THADA: variants seen among roughly 807,000 people sequenced by gnomAD.
The protein encoded by THADA is THADA armadillo repeat containing.
Under a neutral mutation model 219.8 loss-of-function variants are expected in THADA, and 213 were observed. The ratio of observed to expected loss-of-function variants is 0.97; its 90% CI spans 0.87 to 1.09. THADA has a LOEUF of 1.09. Ranked by LOEUF, THADA falls within the 50% of genes least tolerant of loss-of-function variation. The probability of loss-of-function intolerance (pLI) is 0.00; values close to 1 mark genes in which losing one functional copy is unlikely to be tolerated. For missense variants in THADA, 2,956 were observed against 2,311.3 expected (o/e 1.28, Z -5.72); for synonymous variants, 1,018 against 828.9 (o/e 1.23, Z -3.92).
intron 28 of THADA, among the ~76,000 whole-genome samples, chr2:43,427,560 G>C (rs955734612): frequency 1.0e-4 from 14 of 136,932 alleles, no homozygotes; most frequent in Admixed American, 1.0e-3. Flanking sequence ...ATATATACAC[G>C]CACACACACA....
chr2:43,522,433 G>T (rs985630390), intron 22 of THADA, among the ~76,000 whole-genome samples: 7 of 152,094 alleles, frequency 4.6e-5, no homozygotes, highest in African/African-American at 1.7e-4. Context: ...GAGGGCCATG[G>T]GGAGAAGGAC....
At chr2:43,499,127 A>G (rs572475169) in intron 24 of THADA, among the ~76,000 whole-genome samples, 172 bp from the exon 25 acceptor site, 6 of 152,228 alleles carry the variant, frequency 3.9e-5, no homozygotes, top group Non-Finnish European at 7.3e-5. Flanking sequence ...CTGATAAACC[A>G]TTTTACAAAA....
At chr2:43,438,838 A>G (rs963881312) in intron 26 of THADA, among the ~76,000 whole-genome samples, 1 of 152,170 alleles carries the variant, frequency 6.6e-6, no homozygotes, top group Non-Finnish European at 1.5e-5. Context: ...TAAATTAGGC[A>G]AAGTAAGAGA....
chr2:43,289,256 T>C (rs1397160049), intron 34 of THADA, among the ~76,000 whole-genome samples: 1 of 152,258 alleles, frequency 6.6e-6, no homozygotes, highest in East Asian at 1.9e-4. Flanking sequence ...TTAAACTCCG[T>C]TCTTTCACTT....
chr2:43,414,095 T>C (rs901493259), intron 28 of THADA, among the ~76,000 whole-genome samples: 1 of 152,254 alleles, frequency 6.6e-6, no homozygotes, highest in Admixed American at 6.5e-5. Context: ...TGTTTTATTG[T>C]TGTGTTTACT....
chr2:43,457,936 C>A (rs1463182086), intron 26 of THADA, among the ~76,000 whole-genome samples: 1 of 151,956 alleles, frequency 6.6e-6, no homozygotes, highest in Non-Finnish European at 1.5e-5. Flanking sequence ...AAAAAAAAAT[C>A]CCAGGTGATA....
chr2:43,326,951 A>C (rs1323231064), intron 30 of THADA, among the ~76,000 whole-genome samples: 1 of 152,110 alleles, frequency 6.6e-6, no homozygotes, highest in Non-Finnish European at 1.5e-5. Context: ...GCTTAACTTT[A>C]TTAATACAGA....
intron 36 of THADA, among the ~76,000 whole-genome samples, chr2:43,242,160 C>T (rs1469064815): frequency 5.9e-5 from 9 of 152,230 alleles, no homozygotes; most frequent in Admixed American, 5.2e-4. Context: ...CTGAGGGGGG[C>T]ACTTCATGGC....
rs1253927418 is a variant in THADA at position 43,590,754 on chromosome 2, A to C, written c.302+70T>G. 3 of 1,546,600 alleles carry C rather than the reference A, an allele frequency of 1.9e-6. No individual in the cohort carries two copies. In the East Asian group the frequency reaches 6.8e-5, roughly 35 times the overall value. On this transcript the variant is annotated intron_variant, in intron 4 of 37. Coordinates refer to ENST00000405975, the MANE Select transcript of THADA (RefSeq NM_022065.5). ...TCAGTTCAGTTTTATCAAACCAAGG[A>C]AGGAACTTCAGTTACTTTTGGTCAA...
chr2:43,451,467 T>G (rs1682328752), intron 26 of THADA, among the ~76,000 whole-genome samples: 1 of 152,230 alleles, frequency 6.6e-6, no homozygotes, highest in Non-Finnish European at 1.5e-5. Flanking sequence ...TACTGAAACA[T>G]GTTTAAAGTC....
chr2:43,566,602 GCAA>G (rs1698712375), intron 15 of THADA, 93 bp downstream of exon 15: 1 of 1,307,678 alleles, frequency 7.6e-7, no homozygotes, highest in African/African-American at 1.5e-5. Context: ...TCAAAGAAAG[GCAA>G]CAAAACTGAA....
intron 28 of THADA, among the ~76,000 whole-genome samples, chr2:43,419,190 T>C (rs1677388933): frequency 6.6e-6 from 1 of 152,004 alleles, no homozygotes; most frequent in African/African-American, 2.4e-5. Context: ...CCTCAGTAAA[T>C]ACACTTAATG....
intron 36 of THADA, among the ~76,000 whole-genome samples, chr2:43,268,755 C>T (rs1354966671): frequency 6.6e-6 from 1 of 152,218 alleles, no homozygotes; most frequent in Non-Finnish European, 1.5e-5. Flanking sequence ...ACTGTCATGA[C>T]AGCCTGGGTC....
chr2:43,333,820 C>T (rs1400502571), intron 30 of THADA, among the ~76,000 whole-genome samples: 1 of 152,174 alleles, frequency 6.6e-6, no homozygotes, highest in Non-Finnish European at 1.5e-5. Flanking sequence ...TATTTCAAGT[C>T]ATTGCAAAAG....
At position 43,572,836 on chromosome 2, in the gene THADA, C is replaced by G; in HGVS notation, c.1886G>C (p.Gly629Ala). The G allele has an allele frequency of 6.2e-7, 1 of 1,613,622 alleles. No individual in the cohort carries two copies. Among genetic ancestry groups the G allele is most frequent in the Non-Finnish European group, 8.5e-7 (1 of 1,179,764 alleles). The change falls in exon 12 of 38, where the codon GGC (glycine) becomes GCC (alanine). Residue 629 changes from glycine (G) to alanine (A), a missense_variant. Physicochemically the swap from Gly to Ala is moderately conservative, Grantham distance 60. Transcript: ENST00000405975. ...NLVSDARIKQ[G>A]LIHQHCQVRI... ...TACTTGGCAATGCTGATGAATTAAG[C>G]CTTGCTTTATTCTTGCATCAGACAC...
chr2:43,424,555 A>C (rs1285278853), intron 28 of THADA, among the ~76,000 whole-genome samples: 1 of 152,246 alleles, frequency 6.6e-6, no homozygotes, highest in Admixed American at 6.5e-5. Flanking sequence ...CACTGCCTGG[A>C]ATGACAGGTT....
chr2:43,476,957 T>C (rs530384220), intron 26 of THADA, among the ~76,000 whole-genome samples: 3 of 152,238 alleles, frequency 2.0e-5, no homozygotes, highest in Non-Finnish European at 2.9e-5. Flanking sequence ...TCTACAATTA[T>C]GAAATTTTCC....
intron 24 of THADA, among the ~76,000 whole-genome samples, chr2:43,502,356 G>A (rs373849288): frequency 2.1e-4 from 32 of 152,260 alleles, no homozygotes; most frequent in Admixed American, 9.8e-4. Context: ...AGGCCAAGGC[G>A]GGAGAATCAC....
chr2:43,566,136 CAA>C (rs35589833), intron 15 of THADA: 22 of 265,882 alleles, frequency 8.3e-5, no homozygotes, highest in East Asian at 1.3e-4. Context: ...AAAAATGAAA[CAA>C]AAAAAAAAGA....
Sources: allele counts gnomAD v4.1 joint callset (sites outside exome capture counted in the v4.1 genomes callset), GRCh38; gene constraint gnomAD v4.1.1; transcripts MANE v1.5; gene names NCBI Gene and HGNC (gene_info 2026-07-23, HGNC 2026-07-21).